DIP2C: variants seen among roughly 807,000 people sequenced by gnomAD.
DIP2C encodes DIP2 acetate--CoA ligase C (putative).
Under a neutral mutation model 192.4 loss-of-function variants are expected in DIP2C, and 33 were observed. The ratio of observed to expected loss-of-function variants is 0.17; its 90% confidence interval spans 0.13 to 0.23. DIP2C has a LOEUF of 0.23. DIP2C is among the 10% of genes least tolerant of loss of function. The pLI, the probability that DIP2C is intolerant of heterozygous loss-of-function variation, is 1.00. For synonymous variants in DIP2C, 979 were observed against 864.1 expected (o/e 1.13, Z -2.33); for missense variants, 1,537 against 2,110.1 (o/e 0.73, Z 5.32).
rs570876361 is a variant in DIP2C at position 349,854 on chromosome 10, A to T, written c.2986-400T>A. Among the ~76,000 whole-genome samples, 7 of 152,362 alleles carry T rather than the reference A, an allele frequency of 4.6e-5. No individual in the cohort carries two copies. In the East Asian group the frequency reaches 9.6e-4, roughly 21 times the overall value. On this transcript the variant is annotated intron_variant, in intron 24 of 36. Coordinates refer to ENST00000280886, the MANE Select transcript of DIP2C (RefSeq NM_014974.3). ...ACACCTGCACATCGGAAGACTAATT[A>T]AAAAATTTTATTTAGAAAGACCACA...
intron 36 of DIP2C, among the ~76,000 whole-genome samples, chr10:278,392 G>A (rs1258591800): frequency 6.6e-6 from 1 of 152,248 alleles, no homozygotes; most frequent in Admixed American, 6.5e-5. Flanking sequence ...GCCGGTGGAG[G>A]CTCCAGGAGG....
intron 1 of DIP2C, among the ~76,000 whole-genome samples, chr10:525,741 C>T (rs1318746796): frequency 6.6e-6 from 1 of 152,206 alleles, no homozygotes; most frequent in African/African-American, 2.4e-5. Flanking sequence ...AGCACACCCA[C>T]ACCAGCTGTG....
At chr10:284,054 A>T (rs547803854) in intron 34 of DIP2C, among the ~76,000 whole-genome samples, 1 of 152,234 alleles carries the variant, frequency 6.6e-6, no homozygotes. Flanking sequence ...AGGGCTGGGT[A>T]AAAGCAAAAC....
intron 1 of DIP2C, among the ~76,000 whole-genome samples, chr10:582,596 A>T (rs1850737809): frequency 6.6e-6 from 1 of 152,094 alleles, no homozygotes; most frequent in African/African-American, 2.4e-5. Flanking sequence ...AAATATAAAT[A>T]AACTAAAAAC....
At chr10:679,049 A>G (rs189358716) in intron 1 of DIP2C, among the ~76,000 whole-genome samples, 1 of 5,940 alleles carries the variant, frequency 1.7e-4, no homozygotes, top group Admixed American at 3.3e-3. Context: ...CATGCTCCCC[A>G]CACCCGTCCT....
chr10:510,990 C>G (rs1845977358), intron 1 of DIP2C, among the ~76,000 whole-genome samples: 1 of 152,246 alleles, frequency 6.6e-6, no homozygotes. Context: ...ATATTGACCA[C>G]AGCAAAGTCT....
intron 3 of DIP2C, among the ~76,000 whole-genome samples, chr10:462,064 A>G (rs781087914): frequency 1.3e-5 from 2 of 152,228 alleles, no homozygotes; most frequent in Non-Finnish European, 2.9e-5. Flanking sequence ...CTAAATGCCC[A>G]CAAGAAAAAG....
rs373449574 is a variant in DIP2C, at chr10:405,180, T to C, written c.1149+3746A>G. ...GGGCAGACAGCTGAGACGGAGAGGA[T>C]GCGTGTCATCCCCACGGCCAGACGG... On this transcript the variant is annotated intron_variant, in intron 9 of 36. Coordinates refer to ENST00000280886, the MANE Select transcript of DIP2C (RefSeq NM_014974.3). 7.7e-4 allele frequency among the ~76,000 whole-genome samples: 117 copies of C among 152,376 alleles called. 1 individual carries two copies. Among genetic ancestry groups the C allele is most frequent in the African/African-American group, 2.5e-3 (105 of 41,598 alleles).
intron 1 of DIP2C, among the ~76,000 whole-genome samples, chr10:612,949 C>CCT (rs1263547881): frequency 6.6e-6 from 1 of 152,162 alleles, no homozygotes; most frequent in Non-Finnish European, 1.5e-5. Context: ...ATCCGGCCCC[C>CCT]CTCCCAGTGG....
At chr10:412,066 A>G (rs1965221576) in intron 8 of DIP2C, among the ~76,000 whole-genome samples, 1 of 152,222 alleles carries the variant, frequency 6.6e-6, no homozygotes, top group Non-Finnish European at 1.5e-5. Context: ...TTTCATATGA[A>G]TATTCAGTCT....
chr10:656,351 T>A (rs1270152587), intron 1 of DIP2C, among the ~76,000 whole-genome samples: 2 of 152,176 alleles, frequency 1.3e-5, no homozygotes, highest in Non-Finnish European at 2.9e-5. Context: ...ATTTGTTCTA[T>A]TCTGCACTAC....
intron 1 of DIP2C, among the ~76,000 whole-genome samples, chr10:513,511 C>T (rs529559050): frequency 3.3e-5 from 5 of 152,324 alleles, no homozygotes; most frequent in South Asian, 2.1e-4. Context: ...CCGTGGCTCT[C>T]GTCCACCACA....
At chr10:505,181 C>A (rs761225063) in intron 1 of DIP2C, among the ~76,000 whole-genome samples, 18 of 152,166 alleles carry the variant, frequency 1.2e-4, no homozygotes, top group Non-Finnish European at 1.8e-4. Context: ...AGGAGCAATT[C>A]CAATTGCTGA....
At chr10:580,273 AGTGT>A (rs763538345) in intron 1 of DIP2C, among the ~76,000 whole-genome samples, 9 of 152,110 alleles carry the variant, frequency 5.9e-5, no homozygotes, top group Non-Finnish European at 8.8e-5. Flanking sequence ...TGCAGTACAT[AGTGT>A]ATGTACATAT....
intron 28 of DIP2C, among the ~76,000 whole-genome samples, chr10:342,829 T>A (rs1958223468): frequency 6.6e-6 from 1 of 152,170 alleles, no homozygotes. Context: ...TCTTCCCTAA[T>A]CCCTGTAATA....
intron 1 of DIP2C, among the ~76,000 whole-genome samples, chr10:589,689 A>G (rs1276184130): frequency 6.6e-6 from 1 of 152,190 alleles, no homozygotes; most frequent in Non-Finnish European, 1.5e-5. Context: ...CTCTTTGTGA[A>G]AAAAGTAATT....
rs1218443034 is a variant in DIP2C, at chr10:440,911, G to A, written c.354C>T (p.Ser118=). The change falls in exon 4 of 37, where the codon TCC becomes TCT. Residue 118 remains serine (S), a synonymous_variant. Transcript: ENST00000280886. ...CGTCCATCGAGGTCTGCACGACCAG[G>A]GACCTGCGTTTGGAAGGCATAGGCA... ...MAVPMPSKRR[S]LVVQTSMDAY... 5 of 1,613,808 alleles carry A rather than the reference G, an allele frequency of 3.1e-6. No individual in the cohort carries two copies. Among genetic ancestry groups the A allele is most frequent in the African/African-American group, 1.3e-5 (1 of 75,064 alleles).
intron 1 of DIP2C, among the ~76,000 whole-genome samples, chr10:608,124 AG>A (rs1564262090): frequency 4.1e-5 from 5 of 122,410 alleles, no homozygotes; most frequent in South Asian, 2.4e-4. Flanking sequence ...CCACACACAC[AG>A]CCCCAACACA....
At chr10:614,367 A>G (rs1227588102) in intron 1 of DIP2C, among the ~76,000 whole-genome samples, 1 of 152,226 alleles carries the variant, frequency 6.6e-6, no homozygotes, top group East Asian at 1.9e-4. Flanking sequence ...AGGCCTGGAC[A>G]TGCACCTCTT....
Sources: gnomAD v4.1 joint callset for allele counts (sites outside exome capture counted in the v4.1 genomes callset) on GRCh38, gnomAD v4.1.1 for gene constraint, MANE v1.5 for transcripts, NCBI Gene and HGNC (gene_info 2026-07-23, HGNC 2026-07-21) for gene names.